Variants in ARPC1B observed in about 807,000 individuals in gnomAD.
ARPC1B encodes the protein actin-related protein 2/3 complex subunit 1B.
Under a neutral mutation model 46.0 loss-of-function variants are expected in ARPC1B, and 29 were observed. The observed-to-expected ratio is 0.63, with a 90% CI of 0.47 to 0.86. ARPC1B has a LOEUF of 0.86. ARPC1B is among the 40% of genes least tolerant of loss of function. The pLI, the probability that ARPC1B is intolerant of heterozygous loss-of-function variation, is 0.00. For synonymous variants in ARPC1B, 201 were observed against 213.9 expected, an observed-to-expected ratio of 0.94 and a Z score of 0.53; for missense variants, 469 against 529.4, an observed-to-expected ratio of 0.89 and a Z score of 1.12.
At chr7:99,375,090 C>T (rs1246002682) in intron 1 of ARPC1B, among the ~76,000 whole-genome samples, 1 of 139,744 alleles carries the variant, frequency 7.2e-6, no homozygotes, top group African/African-American at 3.3e-5. Context: ...TGTGGAAACG[C>T]GGGCTCCCAG....
chr7:99,375,304 A>G (rs1352529375), intron 1 of ARPC1B, among the ~76,000 whole-genome samples: 1 of 152,030 alleles, frequency 6.6e-6, no homozygotes, highest in Non-Finnish European at 1.5e-5. Context: ...CCGGGAAATG[A>G]GCTGGCGTCT....
intron 4 of ARPC1B, chr7:99,389,667 G>C: frequency 2.0e-6 from 1 of 497,282 alleles, no homozygotes; most frequent in East Asian, 3.6e-5. Flanking sequence ...CCTGCTCTGA[G>C]GGTGACTGTG....
At chr7:99,394,430 G>C in intron 9 of ARPC1B, 21 bp from the exon 10 acceptor site, 12 of 1,605,250 alleles carry the variant, frequency 7.5e-6, no homozygotes, top group Non-Finnish European at 1.0e-5. Flanking sequence ...GAACCAGCCT[G>C]TCCGTTCTGC....
chr7:99,388,382 C>A, intron 4 of ARPC1B, 121 bp downstream of exon 4: 1 of 949,916 alleles, frequency 1.1e-6, no homozygotes, highest in Non-Finnish European at 1.6e-6. Flanking sequence ...GGGAGTCCAT[C>A]CTCTCCTCTC....
chr7:99,379,174 C>T (rs947702122), intron 1 of ARPC1B, among the ~76,000 whole-genome samples: 2 of 152,186 alleles, frequency 1.3e-5, no homozygotes, highest in Non-Finnish European at 2.9e-5. Context: ...AAGAATTAAA[C>T]CAATTAGCAA....
At chr7:99,386,866 C>T in intron 3 of ARPC1B, 77 bp downstream of exon 3, 1 of 1,098,816 alleles carries the variant, frequency 9.1e-7, no homozygotes, top group Non-Finnish European at 1.4e-6. Context: ...AGGGCATGGC[C>T]ACTCATTGTG....
At chr7:99,380,792 G>C (rs1794192851) in intron 1 of ARPC1B, among the ~76,000 whole-genome samples, 1 of 152,152 alleles carries the variant, frequency 6.6e-6, no homozygotes, top group African/African-American at 2.4e-5. Flanking sequence ...TTCTGAGTCT[G>C]GGCTCTCCCA....
intron 8 of ARPC1B, among the ~76,000 whole-genome samples, chr7:99,393,466 G>A (rs942445611): frequency 2.6e-5 from 4 of 152,104 alleles, no homozygotes; most frequent in African/African-American, 9.7e-5. Flanking sequence ...AGCTGGGGCG[G>A]GTCTATTGCT....
intron 1 of ARPC1B, among the ~76,000 whole-genome samples, chr7:99,383,056 G>C (rs1794276418): frequency 6.6e-6 from 1 of 151,744 alleles, no homozygotes; most frequent in South Asian, 2.1e-4. Context: ...TGTTGGCCAG[G>C]CTGGTCTTGA....
intron 8 of ARPC1B, among the ~76,000 whole-genome samples, chr7:99,393,173 GT>G (rs1282660933): frequency 6.6e-6 from 1 of 152,228 alleles, no homozygotes; most frequent in Non-Finnish European, 1.5e-5. Flanking sequence ...AGGGTAGGGA[GT>G]GGCTTTGACT....
intron 2 of ARPC1B, among the ~76,000 whole-genome samples, chr7:99,386,106 C>T (rs1159032818): frequency 1.3e-5 from 2 of 151,920 alleles, no homozygotes; most frequent in Non-Finnish European, 2.9e-5. Context: ...CAAAAATTAC[C>T]TGGGCGTGGT....
chr7:99,380,959 G>A (rs1775332012), intron 1 of ARPC1B, among the ~76,000 whole-genome samples: 1 of 152,184 alleles, frequency 6.6e-6, no homozygotes, highest in African/African-American at 2.4e-5. Flanking sequence ...TGGTGACCTT[G>A]GACCATGGGG....
At chr7:99,383,462 C>A (rs1337769860) in intron 1 of ARPC1B, among the ~76,000 whole-genome samples, 1 of 152,146 alleles carries the variant, frequency 6.6e-6, no homozygotes, top group East Asian at 1.9e-4. Flanking sequence ...GAAACGAGAA[C>A]AAGATAGAAC....
At position 99,381,342 on chromosome 7, in the gene ARPC1B, C is replaced by T. The variant is rs118174253; in HGVS notation, c.-13-4360C>T. On this transcript the variant is annotated intron_variant, in intron 1 of 9. Transcript: ENST00000646101. ...GTGTGCCTGTGTGTGAGGCTCAACACGTGCATGTGGGGAGTATGGTCATGT... is the reference window on the plus strand; with the variant it reads ...GTGTGCCTGTGTGTGAGGCTCAACATGTGCATGTGGGGAGTATGGTCATGT... Among the ~76,000 whole-genome samples the T allele has an allele frequency of 7.0e-3, 1,072 of 152,134 alleles. 6 individuals carry two copies. The highest frequency in any genetic ancestry group is 0.013 in the South Asian group (64 of 4,816).
chr7:99,390,010 T>C lies in ARPC1B; in HGVS notation c.498T>C (p.Cys166=), dbSNP rs779113820. ...CTGCCGGCTCCTGTGACTTCAAGTG[T>C]CGGTGAGACAGGGCGCCATGGGGGA... is the stretch of plus-strand genomic sequence containing the variant. ...LLAAGSCDFK[C]RIFSAYIKEV... is the part of the protein sequence containing the mutation. Residue 166 remains cysteine (C), a splice_region_variant and synonymous_variant, in exon 5 of 10, where the codon TGT becomes TGC. Coordinates refer to ENST00000646101, the MANE Select transcript of ARPC1B (RefSeq NM_005720.4). The C allele has an allele frequency of 4.3e-6, 7 of 1,613,764 alleles. No homozygotes were observed. The South Asian group carries it at 7.7e-5, about 18-fold the overall frequency.
At chr7:99,382,402 G>GAA (rs112909636) in intron 1 of ARPC1B, among the ~76,000 whole-genome samples, 6,103 of 93,208 alleles carry the variant, frequency 0.065, 199 homozygotes, top group African/African-American at 0.1. Context: ...ACTTCATCTC[G>GAA]AAAAAAAAAA....
intron 8 of ARPC1B, among the ~76,000 whole-genome samples, chr7:99,393,509 T>C (rs1000909639): frequency 3.3e-5 from 5 of 151,158 alleles, no homozygotes; most frequent in African/African-American, 1.2e-4. Context: ...GAGCTGAGGG[T>C]CTCTCCGCAG....
chr7:99,374,261 A>C (rs1050959071), upstream of ARPC1B: 1 of 151,714 alleles, frequency 6.6e-6, no homozygotes, highest in Non-Finnish European at 1.5e-5. The surrounding 1 kb of genome is among the most constrained non-coding windows in gnomAD (Gnocchi z 5.0). Context: ...GGGCCTGCAC[A>C]GTTGGCGCCC....
chr7:99,382,862 T>G (rs1794270141), intron 1 of ARPC1B, among the ~76,000 whole-genome samples: 1 of 138,910 alleles, frequency 7.2e-6, no homozygotes, highest in Non-Finnish European at 1.5e-5. Context: ...TTTTTTTTTT[T>G]GAGACAGAGT....
Sources: gnomAD v4.1 joint callset for allele counts (sites outside exome capture counted in the v4.1 genomes callset) on GRCh38, gnomAD v4.1.1 for gene constraint, Gnocchi (gnomAD v3.1) non-coding constraint, MANE v1.5 for transcripts, NCBI Gene and HGNC (gene_info 2026-07-23, HGNC 2026-07-21) for gene names.